Variants in PPIL6 observed in about 807,000 individuals in gnomAD.
PPIL6 encodes peptidylprolyl isomerase like 6, also known as probable inactive peptidyl-prolyl cis-trans isomerase-like 6.
In PPIL6, 39 loss-of-function variants were observed where a neutral mutation model predicts 36.8. The observed-to-expected ratio is 1.06, with a 90% CI of 0.82 to 1.38. The LOEUF (loss-of-function observed/expected upper bound fraction) is 1.38. PPIL6 is among the 40% of genes most tolerant of loss of function. PPIL6 has a pLI of 0.00. For synonymous variants in PPIL6, 123 were observed against 134.1 expected (o/e 0.92, Z 0.57); for missense variants, 368 against 379.1 (o/e 0.97, Z 0.24).
intron 7 of PPIL6, among the ~76,000 whole-genome samples, chr6:109,394,370 C>CAA (rs560635029): frequency 0.12 from 5,760 of 49,692 alleles, 244 homozygotes; most frequent in South Asian, 0.14. Flanking sequence ...AGACTTATCT[C>CAA]AAAAAAAAAA....
chr6:109,405,423 C>T (rs1023376100), intron 6 of PPIL6, among the ~76,000 whole-genome samples: 1 of 152,158 alleles, frequency 6.6e-6, no homozygotes, highest in African/African-American at 2.4e-5. Context: ...CTTTTCCTTA[C>T]ATTTATCTAT....
Position 109,431,219 on chromosome 6 carries a change from G to C in PPIL6, c.358C>G (p.Pro120Ala). 3 of 1,614,028 alleles carry C rather than the reference G, an allele frequency of 1.9e-6. No individual in the cohort carries two copies. Among genetic ancestry groups the C allele is most frequent in the Non-Finnish European group, 2.5e-6 (3 of 1,179,950 alleles). ...HEVWDIVDIK[P>A]SALYDALTED... is the part of the protein sequence containing the mutation. Reference sequence around the variant, plus strand: ...GTGAGTGCGTCATAAAGTGCAGAGGGTTTAATGTCAACTATATCCCACACC... The same window carrying C: ...GTGAGTGCGTCATAAAGTGCAGAGGCTTTAATGTCAACTATATCCCACACC... Residue 120 changes from proline (P) to alanine (A), a missense_variant, in exon 3 of 8, where the codon CCC becomes GCC. Physicochemically the swap from Pro to Ala is conservative, Grantham distance 27 (BLOSUM62 -1). Coordinates refer to ENST00000521072, the MANE Select transcript of PPIL6 (RefSeq NM_173672.5).
At chr6:109,423,460 G>A (rs1002562949) in intron 5 of PPIL6, among the ~76,000 whole-genome samples, 1 of 152,020 alleles carries the variant, frequency 6.6e-6, no homozygotes, top group Non-Finnish European at 1.5e-5. Context: ...AAGTGTGTTG[G>A]ATGTATGGGT....
At chr6:109,434,655 C>T (rs1774347629) in intron 2 of PPIL6, among the ~76,000 whole-genome samples, 2 of 152,262 alleles carry the variant, frequency 1.3e-5, no homozygotes, top group South Asian at 4.1e-4. Flanking sequence ...ATCACAGGAT[C>T]ACAGGACATC....
upstream of PPIL6, chr6:109,440,630 C>T: frequency 8.3e-7 from 1 of 1,201,930 alleles, no homozygotes; most frequent in East Asian, 3.5e-5. Context: ...AAACACTGCG[C>T]GTCGCTCCGG....
chr6:109,404,597 T>C (rs1772711644), intron 6 of PPIL6, among the ~76,000 whole-genome samples: 1 of 152,238 alleles, frequency 6.6e-6, no homozygotes. Context: ...ACCATCTTTG[T>C]TGCCACAGGC....
Position 109,422,064 on chromosome 6 carries a change from A to AG in PPIL6, c.632-2822dup, listed in dbSNP as rs569537935. 2.6e-3 allele frequency among the ~76,000 whole-genome samples: 401 copies of AG among 151,930 alleles called. 3 individuals are homozygous for AG. The highest frequency in any genetic ancestry group is 8.9e-3 in the African/African-American group (367 of 41,468). ...GCTAATTTTTGTATTTTTAGTAGAGAGGGGGGTTTCACCATATTGGCCAGA... is the reference window on the plus strand; with the variant it reads ...GCTAATTTTTGTATTTTTAGTAGAGAGGGGGGGTTTCACCATATTGGCCAGA... On this transcript the variant is annotated intron_variant, in intron 5 of 7. Transcript: ENST00000521072.
chr6:109,418,786 C>T (rs2115243286), intron 6 of PPIL6, among the ~76,000 whole-genome samples: 1 of 152,230 alleles, frequency 6.6e-6, no homozygotes, highest in East Asian at 1.9e-4. Flanking sequence ...AAATGATCCA[C>T]CCACCTCGGC....
intron 7 of PPIL6, among the ~76,000 whole-genome samples, chr6:109,395,831 CTTTT>C (rs35305087): frequency 1.9e-5 from 2 of 106,582 alleles, no homozygotes; most frequent in Admixed American, 1.1e-4. Context: ...GTCTCGATCT[CTTTT>C]TTTTTTTTTT....
chr6:109,429,394 A>T (rs953823205), intron 3 of PPIL6, among the ~76,000 whole-genome samples: 21 of 152,344 alleles, frequency 1.4e-4, no homozygotes, highest in African/African-American at 4.6e-4. Flanking sequence ...CTTCGTTCAG[A>T]TGGACAATAA....
rs566546200 is a variant in PPIL6, at chr6:109,410,724, C to T, written c.688+8463G>A. Among the ~76,000 whole-genome samples, 25 of 152,272 alleles carry T rather than the reference C, an allele frequency of 1.6e-4. No individual in the cohort carries two copies. The South Asian group carries it at 5.2e-3, about 32-fold the overall frequency. ...GCCTCCCTGTGATGCTCTGATTCAA[C>T]TTTAGTTGCCACATTCCCAAGGCCA... On this transcript the variant is annotated intron_variant, in intron 6 of 7. Transcript: ENST00000521072.
In PPIL6 at chr6:109,427,148, G is replaced by T; in HGVS notation, c.429C>A (p.Phe143Leu). ...AATCAATACAAATGTCCAAAAACACGAAATCATGCTGTGAAGATTAAGGAG... is the reference window on the plus strand; with the variant it reads ...AATCAATACAAATGTCCAAAAACACTAAATCATGCTGTGAAGATTAAGGAG... ...AKFLRDTKHD[F>L]VFLDICIDSS... is the part of the protein sequence containing the mutation. Residue 143 changes from phenylalanine (F) to leucine (L), a missense_variant, in exon 4 of 8, where the codon TTC (phenylalanine) becomes TTA (leucine). Phe to Leu is a conservative substitution (Grantham distance 22). Transcript: ENST00000521072. The T allele has an allele frequency of 6.2e-7, 1 of 1,610,686 alleles. No homozygotes were observed. Among genetic ancestry groups the T allele is most frequent in the Admixed American group, 1.7e-5 (1 of 59,890 alleles).
intron 5 of PPIL6, among the ~76,000 whole-genome samples, chr6:109,426,213 C>T (rs1009042272): frequency 2.0e-5 from 3 of 152,180 alleles, no homozygotes; most frequent in Non-Finnish European, 2.9e-5. Context: ...ATTTAAACTT[C>T]TCCATGTGTC....
intron 3 of PPIL6, among the ~76,000 whole-genome samples, chr6:109,428,219 G>T (rs1773926946): frequency 6.6e-6 from 1 of 152,122 alleles, no homozygotes; most frequent in South Asian, 2.1e-4. Context: ...AGGGGCTAAA[G>T]CACATTTAAT....
upstream of PPIL6, chr6:109,440,837 C>A (rs926537171): frequency 1.2e-5 from 5 of 424,108 alleles, no homozygotes; most frequent in Non-Finnish European, 2.1e-5. Context: ...CTCTCCGGAC[C>A]CCCAGGGTCC....
intron 6 of PPIL6, among the ~76,000 whole-genome samples, chr6:109,417,256 C>T (rs941928371): frequency 2.0e-5 from 3 of 151,648 alleles, no homozygotes. Context: ...GCTGCAGTGG[C>T]AGCTTCTCCA....
chr6:109,407,453 A>G (rs1772848108), intron 6 of PPIL6, among the ~76,000 whole-genome samples: 2 of 151,968 alleles, frequency 1.3e-5, no homozygotes, highest in African/African-American at 4.8e-5. Flanking sequence ...GTTAGCCAGG[A>G]TGGTCTCGAT....
rs1315993048 is a variant in PPIL6 at position 109,440,580 on chromosome 6, G to A, written c.11C>T (p.Pro4Leu). 3.3e-5 allele frequency: 46 copies of A among 1,384,646 alleles called. 1 individual carries two copies. In the Admixed American group the frequency reaches 3.4e-4, roughly 10 times the overall value. The allele number at this position is 1,384,646 out of a possible 1,614,324, so 85.8% of individuals were successfully genotyped here. Reference protein sequence around the residue: MARPQPCGPPHARC... With the variant: MARLQPCGPPHARC... ...AGCGTGCGGGGGCCCGCACGGCTGC[G>A]GCCTTGCCATGGCCGCGCCCGGGGA... Residue 4 changes from proline (P) to leucine (L), a missense_variant, in exon 1 of 8, where the codon CCG (proline) becomes CTG (leucine). Transcript: ENST00000521072.
chr6:109,403,034 G>C (rs1473187375), intron 6 of PPIL6: 25 of 1,527,576 alleles, frequency 1.6e-5, no homozygotes, highest in Non-Finnish European at 2.1e-5. Flanking sequence ...TGCTCACCTC[G>C]GTATTTCTCG....
Sources: gnomAD v4.1 joint callset for allele counts (sites outside exome capture counted in the v4.1 genomes callset) on GRCh38, gnomAD v4.1.1 for gene constraint, MANE v1.5 for transcripts, NCBI Gene and HGNC (gene_info 2026-07-23, HGNC 2026-07-21) for gene names.